Variants in CSMD1 observed in about 807,000 individuals in gnomAD.
The protein encoded by CSMD1 is CUB and sushi domain-containing protein 1.
CSMD1 carries 213 observed loss-of-function variants against 417.5 expected under a neutral mutation model. That is an observed-to-expected ratio of 0.51 (90% CI 0.46 to 0.57). The LOEUF is 0.57. Among genes scored for constraint, CSMD1 ranks in the 20% least tolerant of loss-of-function variants. CSMD1 has a pLI of 0.00. For synonymous variants in CSMD1, 2,862 were observed against 1,736.8 expected, an observed-to-expected ratio of 1.65 and a Z score of -16.11; for missense variants, 6,923 against 4,529.7, an observed-to-expected ratio of 1.53 and a Z score of -15.17.
intron 3 of CSMD1, among the ~76,000 whole-genome samples, chr8:4,375,098 G>A (rs909381574): frequency 5.3e-5 from 8 of 151,974 alleles, no homozygotes; most frequent in African/African-American, 1.9e-4. Flanking sequence ...CATGTTCATT[G>A]GCAGACCTGA....
chr8:3,312,847 G>C (rs936343782), intron 23 of CSMD1, among the ~76,000 whole-genome samples: 2 of 152,114 alleles, frequency 1.3e-5, no homozygotes, highest in African/African-American at 2.4e-5. Context: ...TTGACCCCTA[G>C]GCTGTTACTT....
intron 3 of CSMD1, among the ~76,000 whole-genome samples, chr8:4,113,547 G>C (rs1313811231): frequency 2.6e-5 from 4 of 151,960 alleles, no homozygotes; most frequent in African/African-American, 9.7e-5. Flanking sequence ...TGGGATTACA[G>C]GCACGTGCCA....
At chr8:3,196,663 G>A (rs1796720516) in intron 33 of CSMD1, among the ~76,000 whole-genome samples, 1 of 152,108 alleles carries the variant, frequency 6.6e-6, no homozygotes, top group Non-Finnish European at 1.5e-5. Context: ...TTCAGAGGGG[G>A]GTGAAAGGTT....
chr8:4,262,742 T>C (rs1340019090), intron 3 of CSMD1, among the ~76,000 whole-genome samples: 2 of 152,016 alleles, frequency 1.3e-5, no homozygotes, highest in Non-Finnish European at 2.9e-5. Flanking sequence ...GGCCCTGAGG[T>C]TTTTCTTTAC....
At chr8:4,303,326 A>G (rs1476436079) in intron 3 of CSMD1, among the ~76,000 whole-genome samples, 1 of 152,078 alleles carries the variant, frequency 6.6e-6, no homozygotes, top group Non-Finnish European at 1.5e-5. Flanking sequence ...CAAATGTATT[A>G]AAGGAAGCAA....
intron 1 of CSMD1, chr8:4,787,245 G>C (rs1340632492): frequency 5.7e-6 from 3 of 523,956 alleles, no homozygotes; most frequent in Non-Finnish European, 1.1e-5. Flanking sequence ...CTCCTTCCCC[G>C]CCCAGAGATG....
At chr8:4,754,248 AG>A (rs1321842782) in intron 1 of CSMD1, among the ~76,000 whole-genome samples, 1 of 152,180 alleles carries the variant, frequency 6.6e-6, no homozygotes, top group Non-Finnish European at 1.5e-5. Flanking sequence ...GTCTCAGAGA[AG>A]AAAATAAGAT....
At chr8:4,912,245 A>C (rs2117095414) in intron 1 of CSMD1, among the ~76,000 whole-genome samples, 1 of 152,244 alleles carries the variant, frequency 6.6e-6, no homozygotes, top group East Asian at 1.9e-4. Flanking sequence ...GCTACCACTG[A>C]AATTATTGGC....
At chr8:3,173,091 C>A (rs947403351) in intron 37 of CSMD1, among the ~76,000 whole-genome samples, 1 of 152,170 alleles carries the variant, frequency 6.6e-6, no homozygotes, top group Admixed American at 6.5e-5. Context: ...TGATTTCAAT[C>A]ACTTTATTTA....
intron 12 of CSMD1, among the ~76,000 whole-genome samples, chr8:3,421,972 G>A (rs548994660): frequency 6.2e-5 from 9 of 144,902 alleles, no homozygotes; most frequent in African/African-American, 1.7e-4. Context: ...CACCACAACC[G>A]GCCCCACAGA....
chr8:3,321,307 T>C (rs1371887439), intron 23 of CSMD1, among the ~76,000 whole-genome samples: 1 of 152,170 alleles, frequency 6.6e-6, no homozygotes, highest in Non-Finnish European at 1.5e-5. Context: ...CATCTGGTGA[T>C]GCCCTCTGCA....
rs139478540 is a variant in CSMD1 at position 4,042,901 on chromosome 8, G to C, written c.416-10802C>G. On this transcript the variant is annotated intron_variant, in intron 3 of 69. Transcript: ENST00000635120. ...CCAGTACTTTGGGAGGCTGAGGTGG[G>C]AAGATTATGAGTTCAGGAGTTCAAG... Among the ~76,000 whole-genome samples the C allele has an allele frequency of 3.1e-3, 466 of 150,104 alleles. 2 individuals are homozygous for C. The highest frequency in any genetic ancestry group is 0.011 in the African/African-American group (448 of 40,602).
At chr8:4,543,070 G>A (rs73182966) in intron 2 of CSMD1, among the ~76,000 whole-genome samples, 12,046 of 152,114 alleles carry the variant, frequency 0.079, 573 homozygotes, top group South Asian at 0.13. Context: ...CCCCTCACAT[G>A]CCTCCCATAG....
At chr8:3,835,135 C>T (rs12548801) in intron 5 of CSMD1, among the ~76,000 whole-genome samples, 44,323 of 135,774 alleles carry the variant, frequency 0.33, 8,002 homozygotes, top group African/African-American at 0.46. Context: ...GTAAACTAGT[C>T]CAACCATTGT....
chr8:4,294,567 A>G (rs997520339), intron 3 of CSMD1, among the ~76,000 whole-genome samples: 1 of 152,182 alleles, frequency 6.6e-6, no homozygotes, highest in Admixed American at 6.5e-5. Flanking sequence ...GTGCCATGTT[A>G]GAGAATGAAG....
At chr8:4,078,984 G>A (rs1486658560) in intron 3 of CSMD1, among the ~76,000 whole-genome samples, 1 of 144,604 alleles carries the variant, frequency 6.9e-6, no homozygotes, top group African/African-American at 2.7e-5. Context: ...TTCCCACAAT[G>A]TTGCATTAAC....
intron 18 of CSMD1, among the ~76,000 whole-genome samples, chr8:3,370,276 C>G (rs1585065392): frequency 6.6e-6 from 1 of 152,266 alleles, no homozygotes; most frequent in South Asian, 2.1e-4. Flanking sequence ...AATGGAAGCA[C>G]TGAACTGAAA....
intron 8 of CSMD1, among the ~76,000 whole-genome samples, chr8:3,589,060 A>G (rs1458032391): frequency 1.3e-5 from 2 of 152,198 alleles, no homozygotes; most frequent in Non-Finnish European, 2.9e-5. Flanking sequence ...GATGGCTATT[A>G]TCAAAAAGAC....
At chr8:3,271,170 T>A (rs1292809535) in intron 26 of CSMD1, among the ~76,000 whole-genome samples, 2 of 148,686 alleles carry the variant, frequency 1.3e-5, no homozygotes, top group African/African-American at 5.0e-5. Context: ...TGAGTGAGAA[T>A]ATGCGGTGTT....
Sources: gnomAD v4.1 joint callset for allele counts (sites outside exome capture counted in the v4.1 genomes callset) on GRCh38, gnomAD v4.1.1 for gene constraint, MANE v1.5 for transcripts, NCBI Gene and HGNC (gene_info 2026-07-23, HGNC 2026-07-21) for gene names.